UBAP2L: variants seen among roughly 807,000 people sequenced by gnomAD.
The protein encoded by UBAP2L is ubiquitin associated protein 2 like, also known as ubiquitin-associated protein 2-like.
UBAP2L carries 12 observed loss-of-function variants against 130.6 expected under a neutral mutation model. The observed-to-expected ratio is 0.09, with a 90% CI of 0.06 to 0.15. The LOEUF is 0.15. Ranked by LOEUF, UBAP2L falls within the 10% of genes least tolerant of loss-of-function variation. UBAP2L has a pLI of 1.00. For synonymous variants in UBAP2L, 503 were observed against 524.7 expected (o/e 0.96, Z 0.57); for missense variants, 965 against 1,332.5 (o/e 0.72, Z 4.29).
rs768492815 is a variant in UBAP2L, at chr1:154,257,454, C to A, written c.2442+20C>A. The A allele has an allele frequency of 1.9e-6, 3 of 1,611,440 alleles. No individual in the cohort carries two copies. The highest frequency in any genetic ancestry group is 2.5e-6 in the Non-Finnish European group (3 of 1,179,262). On this transcript the variant is annotated intron_variant, in intron 20 of 26. Coordinates refer to ENST00000428931, the MANE Select transcript of UBAP2L (RefSeq NM_014847.4). The stretch of plus-strand genomic sequence containing the variant: ...TACCCGGTAAGTGGGACTAAAGGAT[C>A]TTCTTCAAAAGGTGAGGATGTTGTG...
At chr1:154,236,707 C>A in intron 7 of UBAP2L, 96 bp downstream of exon 7, 3 of 1,357,284 alleles carry the variant, frequency 2.2e-6, no homozygotes, top group South Asian at 1.2e-5. Context: ...CTAGACTGGT[C>A]AGAAAGATAT....
chr1:154,270,581 G>T lies in UBAP2L; in HGVS notation c.*286G>T. Reference sequence around the variant, plus strand: ...TTGCTATGGGCCCTGCACTTCCTTTGCTTCCTCCTGTTCACCCTGGTGGTG... The same window carrying T: ...TTGCTATGGGCCCTGCACTTCCTTTTCTTCCTCCTGTTCACCCTGGTGGTG... On this transcript the variant is annotated 3_prime_UTR_variant, in exon 27 of 27. Transcript: ENST00000428931. 7.1e-7 allele frequency: 1 copy of T among 1,412,370 alleles called. No homozygotes were observed. The highest frequency in any genetic ancestry group is 9.2e-7 in the Non-Finnish European group (1 of 1,087,530). 87.5% of individuals were successfully genotyped at this position (1,412,370 alleles called of 1,614,324 possible). A position where few individuals can be genotyped will look rare whatever the true frequency, so the allele number is the denominator to read the frequency against.
At chr1:154,269,096 T>A in intron 26 of UBAP2L, 142 bp downstream of exon 26, 1 of 1,055,158 alleles carries the variant, frequency 9.5e-7, no homozygotes, top group South Asian at 1.6e-5. Flanking sequence ...ACACAGCACA[T>A]ACAGACACAA....
chr1:154,235,094 T>TA, intron 5 of UBAP2L, 102 bp from the exon 6 acceptor site: 1 of 678,866 alleles, frequency 1.5e-6, no homozygotes, highest in Non-Finnish European at 2.7e-6. Context: ...CCATATTACA[T>TA]ACCATTTATA....
chr1:154,269,298 A>C, intron 26 of UBAP2L: 2 of 1,335,566 alleles, frequency 1.5e-6, no homozygotes, highest in Middle Eastern at 1.9e-4. Flanking sequence ...TTTCCCTTCT[A>C]ATGGTGGAGT....
chr1:154,266,901 T>C (rs1683395858), intron 25 of UBAP2L, among the ~76,000 whole-genome samples: 1 of 151,950 alleles, frequency 6.6e-6, no homozygotes, highest in Non-Finnish European at 1.5e-5. Context: ...AGTATGAGAG[T>C]GACAGGAAAC....
intron 8 of UBAP2L, 43 bp downstream of exon 8, chr1:154,237,179 A>G: frequency 6.5e-7 from 1 of 1,542,754 alleles, no homozygotes; most frequent in African/African-American, 1.4e-5. Flanking sequence ...CTGGGAATCT[A>G]AGGAAATAGT....
chr1:154,240,430 C>G (rs1673137372), intron 8 of UBAP2L, among the ~76,000 whole-genome samples: 1 of 152,036 alleles, frequency 6.6e-6, no homozygotes, highest in Non-Finnish European at 1.5e-5. Flanking sequence ...TACCAACAAA[C>G]ACAAGGACAG....
At chr1:154,247,606 G>A (rs917966539) in intron 11 of UBAP2L, among the ~76,000 whole-genome samples, 2 of 152,156 alleles carry the variant, frequency 1.3e-5, no homozygotes, top group African/African-American at 4.8e-5. Flanking sequence ...ACACGTTCCT[G>A]TAGTCTCAGC....
chr1:154,255,856 G>A, intron 18 of UBAP2L, 101 bp downstream of exon 18: 1 of 1,415,726 alleles, frequency 7.1e-7, no homozygotes, highest in South Asian at 1.2e-5. Flanking sequence ...TCTTCATGAG[G>A]TGGCAAAATA....
At chr1:154,235,348 G>A in intron 6 of UBAP2L, 57 bp downstream of exon 6, 1 of 697,878 alleles carries the variant, frequency 1.4e-6, no homozygotes, top group South Asian at 1.6e-5. Context: ...ATTCATTAAT[G>A]GTCTGCTTTA....
chr1:154,252,758 C>T (rs1678193586), intron 14 of UBAP2L, among the ~76,000 whole-genome samples: 1 of 152,042 alleles, frequency 6.6e-6, no homozygotes, highest in South Asian at 2.1e-4. Context: ...GGGGTTTCAC[C>T]ATGTTGTTCA....
At chr1:154,244,394 G>A (rs1225063834) in intron 10 of UBAP2L, among the ~76,000 whole-genome samples, 1 of 152,052 alleles carries the variant, frequency 6.6e-6, no homozygotes, top group African/African-American at 2.4e-5. Flanking sequence ...TTTTTGAGAC[G>A]AGACGGAGTC....
In UBAP2L at chr1:154,259,080, T is replaced by C. The variant is rs1200895422; in HGVS notation, c.2496+50T>C. 9 of 1,522,424 alleles carry C rather than the reference T, an allele frequency of 5.9e-6. No homozygotes were observed. In the Admixed American group the frequency reaches 8.4e-5, roughly 14 times the overall value. 94.3% of individuals were successfully genotyped at this position (1,522,424 alleles called of 1,614,324 possible). A position where few individuals can be genotyped will look rare whatever the true frequency, so the allele number is the denominator to read the frequency against. On this transcript the variant is annotated intron_variant, in intron 21 of 26. Coordinates refer to ENST00000428931, the MANE Select transcript of UBAP2L (RefSeq NM_014847.4). Reference sequence around the variant, plus strand: ...GAAAAGAAAGTAGTCTTAAAATTAGTGTTGGGAGAATTATCTCCGTCACAG... The same window carrying C: ...GAAAAGAAAGTAGTCTTAAAATTAGCGTTGGGAGAATTATCTCCGTCACAG...
intron 26 of UBAP2L, chr1:154,269,494 A>G: frequency 8.5e-7 from 1 of 1,180,052 alleles, no homozygotes; most frequent in Non-Finnish European, 1.1e-6. Context: ...GGAACTTGAA[A>G]AGACTGCGCG....
intron 4 of UBAP2L, among the ~76,000 whole-genome samples, chr1:154,229,261 C>A (rs1669014543): frequency 1.3e-5 from 2 of 152,178 alleles, no homozygotes; most frequent in South Asian, 4.2e-4. Context: ...TGCTGACCAT[C>A]CCTGGAGATG....
intron 1 of UBAP2L, among the ~76,000 whole-genome samples, chr1:154,224,063 C>T (rs1026367310): frequency 6.6e-5 from 10 of 152,110 alleles, no homozygotes; most frequent in Non-Finnish European, 1.0e-4. Flanking sequence ...TATTATAAAA[C>T]AAAGTATGAA....
At position 154,257,471 on chromosome 1, in the gene UBAP2L, G is replaced by C. The variant is rs761404122; in HGVS notation, c.2442+37G>C. The C allele has an allele frequency of 1.1e-5, 18 of 1,608,354 alleles. No homozygotes were observed. In the Admixed American group the frequency reaches 3.0e-4, roughly 27 times the overall value. ...TAAAGGATCTTCTTCAAAAGGTGAG[G>C]ATGTTGTGGCTACTCTTTTTATAGC... On this transcript the variant is annotated intron_variant, in intron 20 of 26. Transcript: ENST00000428931.
chr1:154,248,138 T>C (rs1471828699), intron 11 of UBAP2L, among the ~76,000 whole-genome samples: 1 of 152,058 alleles, frequency 6.6e-6, no homozygotes, highest in East Asian at 1.9e-4. Context: ...TGGCTAATTT[T>C]GTATTTTTAG....
Sources: allele counts gnomAD v4.1 joint callset (sites outside exome capture counted in the v4.1 genomes callset), GRCh38; gene constraint gnomAD v4.1.1; transcripts MANE v1.5; gene names NCBI Gene and HGNC (gene_info 2026-07-23, HGNC 2026-07-21).